The following RAD51B variants were observed in gnomAD, a reference collection of about 807,000 sequenced individuals.
RAD51B encodes the protein DNA repair protein RAD51 homolog 2.
RAD51B carries 38 observed loss-of-function variants against 42.2 expected under a neutral mutation model. The ratio of observed to expected loss-of-function variants is 0.90; its 90% CI spans 0.70 to 1.18. RAD51B has a LOEUF of 1.18. RAD51B is among the 50% of genes most tolerant of loss of function. RAD51B has a pLI of 0.00. For missense variants in RAD51B, 373 were observed against 400.7 expected, an observed-to-expected ratio of 0.93 and a Z score of 0.59; for synonymous variants, 154 against 145.2, an observed-to-expected ratio of 1.06 and a Z score of -0.43.
intron 7 of RAD51B, among the ~76,000 whole-genome samples, chr14:67,959,705 A>G (rs966640738): frequency 2.0e-5 from 3 of 152,352 alleles, no homozygotes; most frequent in Non-Finnish European, 2.9e-5. Context: ...TATTTTGACA[A>G]TGAAAATGGT....
At chr14:68,428,193 C>T (rs2084900617) in intron 9 of RAD51B, among the ~76,000 whole-genome samples, 1 of 152,134 alleles carries the variant, frequency 6.6e-6, no homozygotes, top group Admixed American at 6.5e-5. Context: ...TCAGTTATAG[C>T]AGCACAAAAT....
intron 8 of RAD51B, among the ~76,000 whole-genome samples, chr14:68,393,208 A>G (rs941644353): frequency 7.2e-5 from 11 of 152,254 alleles, no homozygotes; most frequent in African/African-American, 2.7e-4. Context: ...TAACAATAGC[A>G]GAGAGTAAGG....
chr14:68,555,115 G>A (rs184735709), intron 10 of RAD51B, among the ~76,000 whole-genome samples: 96 of 152,152 alleles, frequency 6.3e-4, no homozygotes, highest in African/African-American at 2.1e-3. Flanking sequence ...CAAAGTGCTG[G>A]GATTACAGGC....
At chr14:68,515,165 C>T (rs909380693) in intron 10 of RAD51B, among the ~76,000 whole-genome samples, 1 of 152,024 alleles carries the variant, frequency 6.6e-6, no homozygotes, top group African/African-American at 2.4e-5. Flanking sequence ...CTAACCTTTC[C>T]TTTAGTTTAA....
chr14:68,421,701 T>C, intron 9 of RAD51B: 1 of 1,582,488 alleles, frequency 6.3e-7, no homozygotes. Flanking sequence ...GTCAAACTTA[T>C]TCGAGTTGTC....
chr14:67,974,062 A>G (rs1313666258), intron 7 of RAD51B, among the ~76,000 whole-genome samples: 1 of 152,126 alleles, frequency 6.6e-6, no homozygotes, highest in Non-Finnish European at 1.5e-5. Context: ...GAAGAAAAAC[A>G]TGAAATAATA....
intron 9 of RAD51B, among the ~76,000 whole-genome samples, chr14:68,451,857 C>G (rs1353911489): frequency 2.0e-5 from 3 of 152,168 alleles, no homozygotes; most frequent in Admixed American, 6.5e-5. Context: ...AACATGTTGC[C>G]TTCCTTGAAT....
chr14:68,269,155 G>A (rs1227608938), intron 7 of RAD51B, among the ~76,000 whole-genome samples: 2 of 152,162 alleles, frequency 1.3e-5, no homozygotes, highest in Non-Finnish European at 2.9e-5. Flanking sequence ...AATATTTTAA[G>A]CGTGTTACAA....
At chr14:68,629,063 G>C (rs950390195) in intron 10 of RAD51B, among the ~76,000 whole-genome samples, 1 of 152,094 alleles carries the variant, frequency 6.6e-6, no homozygotes, top group African/African-American at 2.4e-5. Flanking sequence ...ATCACCCCTG[G>C]CTTCCTGCAG....
chr14:68,181,426 A>G (rs1219782101), intron 7 of RAD51B, among the ~76,000 whole-genome samples: 1 of 152,222 alleles, frequency 6.6e-6, no homozygotes, highest in Non-Finnish European at 1.5e-5. Flanking sequence ...GGAAGCCTCA[A>G]GGAACTTTCA....
intron 10 of RAD51B, chr14:68,563,792 A>T: frequency 1.0e-6 from 1 of 985,342 alleles, no homozygotes; most frequent in Non-Finnish European, 1.2e-6. Context: ...TTCCGTAAGA[A>T]ACGACAGCTC....
At chr14:68,671,175 C>T (rs777768878) in intron 11 of RAD51B, among the ~76,000 whole-genome samples, 12 of 152,190 alleles carry the variant, frequency 7.9e-5, no homozygotes, top group Non-Finnish European at 1.3e-4. Flanking sequence ...AACCATCCAT[C>T]CTGGGTTGGT....
intron 8 of RAD51B, among the ~76,000 whole-genome samples, chr14:68,388,887 A>G (rs1263392208): frequency 6.6e-6 from 1 of 152,198 alleles, no homozygotes; most frequent in African/African-American, 2.4e-5. Context: ...CGCCATTAAT[A>G]CCATGTTGTC....
In RAD51B at chr14:68,253,228, A is replaced by G. The variant is rs145008683; in HGVS notation, c.757-38656A>G. 5.3e-3 allele frequency among the ~76,000 whole-genome samples: 810 copies of G among 152,288 alleles called. 3 individuals carry two copies. The highest frequency in any genetic ancestry group is 0.019 in the African/African-American group (781 of 41,578). On this transcript the variant is annotated intron_variant, in intron 7 of 10. Coordinates refer to ENST00000471583, the MANE Select transcript of RAD51B (RefSeq NM_133510.4). Reference sequence around the variant, plus strand: ...TTAATACTGTAGTATATTTATTTCCAGATTTTTTCAGTGTATTTGTTTATT... The same window carrying G: ...TTAATACTGTAGTATATTTATTTCCGGATTTTTTCAGTGTATTTGTTTATT...
At chr14:68,618,383 T>C (rs919602553) in intron 10 of RAD51B, among the ~76,000 whole-genome samples, 3 of 152,174 alleles carry the variant, frequency 2.0e-5, no homozygotes, top group Admixed American at 2.0e-4. Flanking sequence ...GTTTTGCCCC[T>C]CTACCAAAAG....
chr14:68,046,570 C>G (rs2076303884), intron 7 of RAD51B, among the ~76,000 whole-genome samples: 1 of 152,182 alleles, frequency 6.6e-6, no homozygotes, highest in African/African-American at 2.4e-5. Flanking sequence ...GAAACCCTGT[C>G]TCTGCAAAAA....
intron 7 of RAD51B, among the ~76,000 whole-genome samples, chr14:67,895,409 T>C (rs1038444456): frequency 6.6e-6 from 1 of 152,196 alleles, no homozygotes; most frequent in Non-Finnish European, 1.5e-5. Context: ...GCTTCCATCC[T>C]GGGTTGTTAT....
chr14:67,976,432 T>A (rs969281124), intron 7 of RAD51B, among the ~76,000 whole-genome samples: 5 of 151,482 alleles, frequency 3.3e-5, no homozygotes, highest in African/African-American at 1.2e-4. Flanking sequence ...TCTAGTTTTT[T>A]GTTTTTTGTT....
intron 9 of RAD51B, among the ~76,000 whole-genome samples, chr14:68,412,540 G>A (rs1351917644): frequency 6.6e-6 from 1 of 152,156 alleles, no homozygotes; most frequent in African/African-American, 2.4e-5. Flanking sequence ...ACAGGCGTGA[G>A]CTATTGCCTG....
Sources: gnomAD v4.1 joint callset for allele counts (sites outside exome capture counted in the v4.1 genomes callset) on GRCh38, gnomAD v4.1.1 for gene constraint, MANE v1.5 for transcripts, NCBI Gene and HGNC (gene_info 2026-07-23, HGNC 2026-07-21) for gene names.